RFTN1: variants seen among roughly 807,000 people sequenced by gnomAD.
The protein encoded by RFTN1 is raftlin.
RFTN1 carries 26 observed loss-of-function variants against 46.5 expected under a neutral mutation model. The observed-to-expected ratio is 0.56, with a 90% confidence interval of 0.41 to 0.78. The LOEUF is 0.78. Among genes scored for constraint, RFTN1 ranks in the 30% least tolerant of loss-of-function variants. The probability of loss-of-function intolerance (pLI) is 0.00; values close to 1 mark genes in which losing one functional copy is unlikely to be tolerated. For synonymous variants in RFTN1, 261 were observed against 284.2 expected, an observed-to-expected ratio of 0.92 and a Z score of 0.82; for missense variants, 693 against 718.7, an observed-to-expected ratio of 0.96 and a Z score of 0.41.
Position 16,498,451 on chromosome 3 carries a change from T to C in RFTN1, c.-8-4574A>G, listed in dbSNP as rs2076657853. 6.6e-6 allele frequency among the ~76,000 whole-genome samples: 1 copy of C among 152,250 alleles called. No individual in the cohort carries two copies. The highest frequency in any genetic ancestry group is 2.4e-5 in the African/African-American group (1 of 41,468). On this transcript the variant is annotated intron_variant, in intron 1 of 9. Transcript: ENST00000334133. The surrounding 1 kb of genome is among the most constrained non-coding windows in gnomAD (Gnocchi z 5.2). ...TGAGGCTGCCCAATTTATGAAGTTT[T>C]CTTTGCTCATTCAAACTCTGTTAAA...
intron 1 of RFTN1, among the ~76,000 whole-genome samples, chr3:16,511,683 C>A (rs927713544): frequency 6.6e-6 from 1 of 151,976 alleles, no homozygotes; most frequent in Non-Finnish European, 1.5e-5. Flanking sequence ...ACATAAGTAG[C>A]TTTACAGGAA....
intron 2 of RFTN1, among the ~76,000 whole-genome samples, chr3:16,467,008 T>G (rs1193142178): frequency 6.6e-6 from 1 of 152,142 alleles, no homozygotes; most frequent in East Asian, 1.9e-4. Flanking sequence ...AGGCCTAAGG[T>G]CAATTCTTAT....
chr3:16,446,514 G>A lies in RFTN1; in HGVS notation c.146-12477C>T, dbSNP rs1416321701. On this transcript the variant is annotated intron_variant, in intron 2 of 9. Coordinates refer to ENST00000334133, the MANE Select transcript of RFTN1 (RefSeq NM_015150.2). This position sits in a 1 kb window ranked among gnomAD's most constrained non-coding sequence, Gnocchi z 4.5. ...TTCTCTGTCTCTGCTAGTGTGAGCA[G>A]GAGTTACAAAAGCAACAGGAAGAAA... Among the ~76,000 whole-genome samples the A allele has an allele frequency of 6.6e-6, 1 of 152,064 alleles. No individual in the cohort carries two copies. The highest frequency in any genetic ancestry group is 1.5e-5 in the Non-Finnish European group (1 of 68,040).
chr3:16,400,263 C>A lies in RFTN1; in HGVS notation c.441+9112G>T, dbSNP rs80077252. 6.6e-6 allele frequency among the ~76,000 whole-genome samples: 1 copy of A among 152,108 alleles called. No homozygotes were observed. The highest frequency in any genetic ancestry group is 2.4e-5 in the African/African-American group (1 of 41,398). The stretch of plus-strand genomic sequence containing the variant: ...TCTGCTCCTCAAACCAAACTTACTC[C>A]CTCCCACCTTGGCTTTGTCTGAGCT... On this transcript the variant is annotated intron_variant, in intron 4 of 9. Transcript: ENST00000334133. The surrounding 1 kb of genome is among the most constrained non-coding windows in gnomAD (Gnocchi z 4.5).
intron 7 of RFTN1, among the ~76,000 whole-genome samples, chr3:16,347,293 C>A (rs1477080715): frequency 6.6e-6 from 1 of 152,214 alleles, no homozygotes; most frequent in African/African-American, 2.4e-5. Context: ...ATGTTATATC[C>A]ATTTTCTAGG....
chr3:16,316,844 G>T lies in RFTN1; in HGVS notation c.1721C>A (p.Thr574Lys), dbSNP rs567063624. 3.6e-5 allele frequency: 58 copies of T among 1,613,984 alleles called. 1 individual carries two copies. In the South Asian group the frequency reaches 5.6e-4, roughly 16 times the overall value. ...GDAEEVRELG[T>K]VEEN ...GCCCAAGACTCAGTTTTCTTCAACC[G>T]TACCAAGCTCTCTGACTTCCTCAGC... is the stretch of plus-strand genomic sequence containing the variant. Residue 574 changes from threonine to lysine, a missense_variant, in exon 10 of 10, where the codon ACG (threonine) becomes AAG (lysine). Coordinates refer to ENST00000334133, the MANE Select transcript of RFTN1 (RefSeq NM_015150.2). This position sits in a 1 kb window ranked among gnomAD's most constrained non-coding sequence, Gnocchi z 4.5.
intron 3 of RFTN1, among the ~76,000 whole-genome samples, chr3:16,414,676 G>A (rs1169232258): frequency 6.6e-6 from 1 of 152,064 alleles, no homozygotes; most frequent in Non-Finnish European, 1.5e-5. Context: ...AGGGGCAGCA[G>A]GGAGACAGTT....
At chr3:16,325,182 C>G (rs1270155225) in intron 8 of RFTN1, among the ~76,000 whole-genome samples, 1 of 152,198 alleles carries the variant, frequency 6.6e-6, no homozygotes, top group Non-Finnish European at 1.5e-5. Context: ...CACATAATGG[C>G]TCATTTAAGC....
At chr3:16,455,307 A>T (rs1240375599) in intron 2 of RFTN1, among the ~76,000 whole-genome samples, 5 of 152,196 alleles carry the variant, frequency 3.3e-5, no homozygotes. Context: ...AAAGAGGCTT[A>T]TTTGGCAAAA....
chr3:16,391,133 C>A (rs1264439335), intron 4 of RFTN1, among the ~76,000 whole-genome samples: 1 of 151,952 alleles, frequency 6.6e-6, no homozygotes, highest in Non-Finnish European at 1.5e-5. Flanking sequence ...CCATCACCCT[C>A]ATCCCTAACA....
In RFTN1 at chr3:16,458,035, A is replaced by T. The variant is rs1299791819; in HGVS notation, c.146-23998T>A. 6.6e-6 allele frequency among the ~76,000 whole-genome samples: 1 copy of T among 152,172 alleles called. No homozygotes were observed. Among genetic ancestry groups the T allele is most frequent in the Non-Finnish European group, 1.5e-5 (1 of 68,004 alleles). On this transcript the variant is annotated intron_variant, in intron 2 of 9. Transcript: ENST00000334133. This position sits in a 1 kb window ranked among gnomAD's most constrained non-coding sequence, Gnocchi z 5.1. ...ATCTTGGAAGTGGAGATCAGCCCTC[A>T]CCAGACACCAAACCTGCCAGCAAGT...
At chr3:16,394,011 T>C (rs1331807459) in intron 4 of RFTN1, among the ~76,000 whole-genome samples, 2 of 152,022 alleles carry the variant, frequency 1.3e-5, no homozygotes, top group Non-Finnish European at 2.9e-5. Flanking sequence ...AAATAATTCC[T>C]ACAACATGGA....
At chr3:16,339,941 C>T (rs988536513) in intron 7 of RFTN1, 1 of 152,164 alleles carries the variant, frequency 6.6e-6, no homozygotes, top group African/African-American at 2.4e-5. Flanking sequence ...GTAAATCATG[C>T]CTAAAATGAG....
At chr3:16,490,647 G>C (rs1000854458) in intron 2 of RFTN1, among the ~76,000 whole-genome samples, 1 of 152,206 alleles carries the variant, frequency 6.6e-6, no homozygotes, top group African/African-American at 2.4e-5. Context: ...CCTCAATTCA[G>C]TAATTCCTGA....
rs1398674510 is a variant in RFTN1 at position 16,483,732 on chromosome 3, AT to A, written c.145+9992del. Among the ~76,000 whole-genome samples, 2 of 151,708 alleles carry A rather than the reference AT, an allele frequency of 1.3e-5. No homozygotes were observed. Among genetic ancestry groups the A allele is most frequent in the Non-Finnish European group, 2.9e-5 (2 of 67,962 alleles). On this transcript the variant is annotated intron_variant, in intron 2 of 9. Coordinates refer to ENST00000334133, the MANE Select transcript of RFTN1 (RefSeq NM_015150.2). The surrounding 1 kb of genome is among the most constrained non-coding windows in gnomAD (Gnocchi z 4.8). The stretch of plus-strand genomic sequence containing the variant: ...ATACTCAAAAGATCACACTAGTATA[AT>A]TTTTTTCTGCCATCTCCACTCAAAT...
rs183954163 is a variant in RFTN1, at chr3:16,471,148, A to C, written c.145+22577T>G. On this transcript the variant is annotated intron_variant, in intron 2 of 9. Transcript: ENST00000334133. ...TTCTAGGAATAAGTTACACTCAAGG[A>C]TTGATCAAAACCCTATTGTTAAATA... 3.9e-5 allele frequency among the ~76,000 whole-genome samples: 6 copies of C among 152,380 alleles called. No individual in the cohort carries two copies. The East Asian group carries it at 9.6e-4, about 24-fold the overall frequency.
At position 16,489,269 on chromosome 3, in the gene RFTN1, T is replaced by A. The variant is rs1303164546; in HGVS notation, c.145+4456A>T. 6.6e-6 allele frequency among the ~76,000 whole-genome samples: 1 copy of A among 151,936 alleles called. No individual in the cohort carries two copies. Among genetic ancestry groups the A allele is most frequent in the African/African-American group, 2.4e-5 (1 of 41,326 alleles). ...CCTGTGTCTACTAAAAATAAAAAAA[T>A]TAGCTGGGCATGGTGGCGGGCACCT... is the stretch of plus-strand genomic sequence containing the variant. On this transcript the variant is annotated intron_variant, in intron 2 of 9. Transcript: ENST00000334133. The surrounding 1 kb of genome is among the most constrained non-coding windows in gnomAD (Gnocchi z 4.0).
At position 16,407,082 on chromosome 3, in the gene RFTN1, C is replaced by T. The variant is rs191159066; in HGVS notation, c.441+2293G>A. On this transcript the variant is annotated intron_variant, in intron 4 of 9. Coordinates refer to ENST00000334133, the MANE Select transcript of RFTN1 (RefSeq NM_015150.2). This position sits in a 1 kb window ranked among gnomAD's most constrained non-coding sequence, Gnocchi z 4.0. ...AACAACACCCCAGTAGCTCGCAAAT[C>T]GGGCTGTTTCCTGAAGAACTGAGAC... Among the ~76,000 whole-genome samples, 2 of 152,314 alleles carry T rather than the reference C, an allele frequency of 1.3e-5. No homozygotes were observed. The highest frequency in any genetic ancestry group is 3.9e-4 in the East Asian group (2 of 5,192).
Position 16,378,025 on chromosome 3 carries a change from G to T in RFTN1, c.519C>A (p.Gly173=). Residue 173 remains glycine, a synonymous_variant, in exon 5 of 10, where the codon GGC becomes GGA. Coordinates refer to ENST00000334133, the MANE Select transcript of RFTN1 (RefSeq NM_015150.2). The part of the protein sequence containing the change: ...PQYHSSVNSA[G]SSAPVSTANS... ...TGGCAGTAGACACCGGAGCACTGCT[G>T]CCTGCCGAGTTCACAGAGGAATGGT... 6.2e-7 allele frequency: 1 copy of T among 1,614,258 alleles called. No individual in the cohort carries two copies. The highest frequency in any genetic ancestry group is 8.5e-7 in the Non-Finnish European group (1 of 1,180,046).
Sources: allele counts gnomAD v4.1 joint callset (sites outside exome capture counted in the v4.1 genomes callset), GRCh38; gene constraint gnomAD v4.1.1; non-coding constraint Gnocchi (gnomAD v3.1); transcripts MANE v1.5; gene names NCBI Gene and HGNC (gene_info 2026-07-23, HGNC 2026-07-21).